Variants in SH3PXD2A observed in about 807,000 individuals in gnomAD.
SH3PXD2A encodes SH3 and PX domains 2A, also known as SH3 and PX domain-containing protein 2A.
In SH3PXD2A, 32 loss-of-function variants were observed where a neutral mutation model predicts 115.2. That is an observed-to-expected ratio of 0.28 (90% CI 0.21 to 0.37). SH3PXD2A has a LOEUF of 0.37. Among genes scored for constraint, SH3PXD2A ranks in the 10% least tolerant of loss-of-function variants. The pLI is 1.00. For synonymous variants in SH3PXD2A, 610 were observed against 629.1 expected (o/e 0.97, Z 0.45); for missense variants, 1,328 against 1,498.7 (o/e 0.89, Z 1.88).
chr10:103,837,373 G>A (rs1348183509), intron 1 of SH3PXD2A, among the ~76,000 whole-genome samples: 1 of 152,138 alleles, frequency 6.6e-6, no homozygotes. Context: ...TATCCTAGTT[G>A]GGTTCTTCCT....
intron 1 of SH3PXD2A, 35 bp from the exon 2 acceptor site, chr10:103,801,397 T>G (rs770137805): frequency 7.3e-7 from 1 of 1,379,178 alleles, no homozygotes; most frequent in Admixed American, 1.7e-5. Context: ...TGAGCAAGGC[T>G]GGATTTCAAG....
At chr10:103,788,145 T>C (rs1042033070) in intron 2 of SH3PXD2A, among the ~76,000 whole-genome samples, 3 of 152,134 alleles carry the variant, frequency 2.0e-5, no homozygotes, top group Non-Finnish European at 4.4e-5. Context: ...AACAATCTCA[T>C]AATAATAATG....
At chr10:103,817,903 A>C (rs1002013714) in intron 1 of SH3PXD2A, among the ~76,000 whole-genome samples, 7 of 152,194 alleles carry the variant, frequency 4.6e-5, no homozygotes, top group Non-Finnish European at 7.3e-5. Flanking sequence ...GTGGTTGCCG[A>C]GAGCTGTGGG....
intron 6 of SH3PXD2A, among the ~76,000 whole-genome samples, chr10:103,690,348 A>C (rs955762255): frequency 2.0e-5 from 3 of 152,204 alleles, no homozygotes; most frequent in Non-Finnish European, 4.4e-5. Context: ...TCTCCAGAGA[A>C]ACAGAACCAA....
At position 103,602,625 on chromosome 10, in the gene SH3PXD2A, C is replaced by T. The variant is rs144776136; in HGVS notation, c.2593G>A (p.Val865Met). 3.0e-5 allele frequency: 49 copies of T among 1,614,096 alleles called. No individual in the cohort carries two copies. Among genetic ancestry groups the T allele is most frequent in the African/African-American group, 5.3e-5 (4 of 74,930 alleles). ...QDSEISFPAG[V>M]EVQVLEKQES... Reference sequence around the variant, plus strand: ...TGCTTCTCCAGCACCTGCACCTCCACGCCCGCGGGGAAGCTGATCTCCGAG... The same window carrying T: ...TGCTTCTCCAGCACCTGCACCTCCATGCCCGCGGGGAAGCTGATCTCCGAG... The change falls in exon 15 of 15, where the codon GTG becomes ATG. Residue 865 changes from valine (V) to methionine (M), a missense_variant. Val to Met is a conservative substitution (Grantham distance 21). Transcript: ENST00000369774.
chr10:103,776,984 C>T (rs2038886712), intron 2 of SH3PXD2A, among the ~76,000 whole-genome samples: 1 of 152,162 alleles, frequency 6.6e-6, no homozygotes, highest in African/African-American at 2.4e-5. Context: ...AATATCTGTC[C>T]GTATACTATG....
At chr10:103,633,735 A>C (rs1327313445) in intron 8 of SH3PXD2A, among the ~76,000 whole-genome samples, 1 of 130,316 alleles carries the variant, frequency 7.7e-6, no homozygotes, top group Non-Finnish European at 1.6e-5. Context: ...CTCAAAAAAA[A>C]AAAAAAAAAA....
At position 103,782,348 on chromosome 10, in the gene SH3PXD2A, G is replaced by T. The variant is rs546580788; in HGVS notation, c.154-15179C>A. Among the ~76,000 whole-genome samples the T allele has an allele frequency of 3.9e-5, 6 of 152,288 alleles. No individual in the cohort carries two copies. The East Asian group carries it at 1.2e-3, about 29-fold the overall frequency. ...CATGAAAATTTGAGAAGTCCTCATT[G>T]TTCTCTGCCATAAAGATTTCATCTA... On this transcript the variant is annotated intron_variant, in intron 2 of 14. Transcript: ENST00000369774.
intron 3 of SH3PXD2A, chr10:103,749,745 A>G (rs2038551957): frequency 6.6e-6 from 1 of 152,246 alleles, no homozygotes; most frequent in African/African-American, 2.4e-5. Context: ...GCTAGATTAT[A>G]AAAACATTGT....
chr10:103,635,758 T>A (rs2036855253), intron 8 of SH3PXD2A, among the ~76,000 whole-genome samples: 1 of 132,818 alleles, frequency 7.5e-6, no homozygotes, highest in Non-Finnish European at 1.6e-5. Flanking sequence ...GGGCCATGTC[T>A]GTGTGCCAGG....
At chr10:103,651,475 G>A (rs2037121709) in intron 8 of SH3PXD2A, among the ~76,000 whole-genome samples, 1 of 152,242 alleles carries the variant, frequency 6.6e-6, no homozygotes, top group African/African-American at 2.4e-5. Context: ...ATGTGGTGAA[G>A]CACTCTGGAG....
chr10:103,694,786 G>A (rs575483422), intron 5 of SH3PXD2A, among the ~76,000 whole-genome samples: 154 of 152,286 alleles, frequency 1.0e-3, no homozygotes, highest in Non-Finnish European at 1.9e-3. Context: ...TGGTGTGGAG[G>A]AGAATCTGGG....
chr10:103,753,681 AC>A (rs888423332), intron 3 of SH3PXD2A, among the ~76,000 whole-genome samples: 2 of 152,198 alleles, frequency 1.3e-5, no homozygotes, highest in African/African-American at 4.8e-5. Flanking sequence ...CAACATAAGC[AC>A]ATGAATCCTT....
At chr10:103,619,348 C>T (rs938733296) in intron 10 of SH3PXD2A, among the ~76,000 whole-genome samples, 3 of 152,196 alleles carry the variant, frequency 2.0e-5, no homozygotes, top group Admixed American at 1.3e-4. Flanking sequence ...AGAGGGGCAG[C>T]GCCAGGCTCC....
At chr10:103,824,722 C>T (rs2039412486) in intron 1 of SH3PXD2A, among the ~76,000 whole-genome samples, 1 of 152,178 alleles carries the variant, frequency 6.6e-6, no homozygotes. Context: ...AAAATGTACA[C>T]CAGGACCTGA....
chr10:103,792,615 G>A (rs1222599256), intron 2 of SH3PXD2A, among the ~76,000 whole-genome samples: 2 of 152,200 alleles, frequency 1.3e-5, no homozygotes, highest in African/African-American at 2.4e-5. Context: ...AGCACAGAGA[G>A]GTTAAATCAC....
Position 103,594,407 on chromosome 10 carries a change from T to G in SH3PXD2A, c.*7409A>C, listed in dbSNP as rs1025599005. On this transcript the variant is annotated 3_prime_UTR_variant, in exon 15 of 15. Transcript: ENST00000369774. ...TGCTGAGGAGGAAAGAAGGAAAACC[T>G]GGAGGAAGGGCTCCTCCTGACCCCA... is the stretch of plus-strand genomic sequence containing the variant. 3 of 152,574 alleles carry G rather than the reference T, an allele frequency of 2.0e-5. No homozygotes were observed. Among genetic ancestry groups the G allele is most frequent in the Admixed American group, 2.0e-4 (3 of 15,292 alleles). The allele number at this position is 152,574 out of a possible 1,614,324, so 9.5% of individuals were successfully genotyped here.
chr10:103,748,726 A>G (rs2038538132), intron 3 of SH3PXD2A, among the ~76,000 whole-genome samples: 1 of 152,132 alleles, frequency 6.6e-6, no homozygotes, highest in African/African-American at 2.4e-5. Flanking sequence ...TGAGAAGCTG[A>G]AGGGAGTCCA....
chr10:103,724,952 C>T (rs943572508), intron 4 of SH3PXD2A, among the ~76,000 whole-genome samples: 2 of 152,222 alleles, frequency 1.3e-5, no homozygotes, highest in African/African-American at 4.8e-5. Context: ...TTGTCTTCCA[C>T]TAGCCACGCT....
Sources: gnomAD v4.1 joint callset for allele counts (sites outside exome capture counted in the v4.1 genomes callset) on GRCh38, gnomAD v4.1.1 for gene constraint, MANE v1.5 for transcripts, NCBI Gene and HGNC (gene_info 2026-07-23, HGNC 2026-07-21) for gene names.